The following GRIA1 variants were observed in gnomAD, a reference collection of about 807,000 sequenced individuals.
GRIA1 encodes the protein glutamate receptor 1.
A neutral mutation model predicts 99.2 loss-of-function variants in GRIA1; 31 were observed. That is an observed-to-expected ratio of 0.31 (90% CI 0.23 to 0.42). The LOEUF (loss-of-function observed/expected upper bound fraction) is 0.42. Ranked by LOEUF, GRIA1 falls within the 10% of genes least tolerant of loss-of-function variation. The pLI is 1.00. For missense variants in GRIA1, 782 were observed against 1,157.5 expected, an observed-to-expected ratio of 0.68 and a Z score of 4.71; for synonymous variants, 438 against 432.4, an observed-to-expected ratio of 1.01 and a Z score of -0.16.
chr5:153,672,403 G>C (rs879487368), intron 5 of GRIA1, among the ~76,000 whole-genome samples: 2 of 152,164 alleles, frequency 1.3e-5, no homozygotes, highest in Non-Finnish European at 2.9e-5. Context: ...CTACAACAGG[G>C]CAAGAACTAG....
chr5:153,697,230 T>A (rs568968259), intron 8 of GRIA1, among the ~76,000 whole-genome samples: 70 of 152,342 alleles, frequency 4.6e-4, no homozygotes, highest in African/African-American at 1.7e-3. Flanking sequence ...CCCACTCACT[T>A]GTCACTTCTG....
At chr5:153,532,978 A>T (rs918725561) in intron 2 of GRIA1, among the ~76,000 whole-genome samples, 2 of 152,254 alleles carry the variant, frequency 1.3e-5, no homozygotes, top group African/African-American at 4.8e-5. Context: ...AGTAAATGTT[A>T]ATTATGGTTG....
At chr5:153,576,650 A>C (rs974703371) in intron 2 of GRIA1, among the ~76,000 whole-genome samples, 3 of 152,188 alleles carry the variant, frequency 2.0e-5, no homozygotes, top group Non-Finnish European at 4.4e-5. Flanking sequence ...TAAAAAATTA[A>C]AGGTTATCTC....
chr5:153,528,824 C>T (rs562356669), intron 2 of GRIA1, among the ~76,000 whole-genome samples: 2 of 152,290 alleles, frequency 1.3e-5, no homozygotes, highest in South Asian at 4.1e-4. Context: ...TGTCTTCAGG[C>T]ATTGTCTCAC....
Position 153,519,825 on chromosome 5 carries a change from A to G in GRIA1, c.220+25760A>G, listed in dbSNP as rs558495980. Among the ~76,000 whole-genome samples, 81 of 152,222 alleles carry G rather than the reference A, an allele frequency of 5.3e-4. 1 individual carries two copies. The highest frequency in any genetic ancestry group is 1.0e-3 in the Non-Finnish European group (71 of 68,038). On this transcript the variant is annotated intron_variant, in intron 2 of 15. Transcript: ENST00000285900. The stretch of plus-strand genomic sequence containing the variant: ...TAATAATTAGTACAATAGTAATACC[A>G]TACATTTTGATTACATTTTTGACAT...
intron 2 of GRIA1, among the ~76,000 whole-genome samples, chr5:153,587,592 A>G (rs549009137): frequency 1.3e-5 from 2 of 152,016 alleles, no homozygotes; most frequent in East Asian, 1.9e-4. Flanking sequence ...CCCCTCCCCA[A>G]TCCCAAATAG....
chr5:153,578,310 A>T (rs1401572041), intron 2 of GRIA1, among the ~76,000 whole-genome samples: 1 of 152,178 alleles, frequency 6.6e-6, no homozygotes, highest in Admixed American at 6.5e-5. Flanking sequence ...ACTGAGTAAA[A>T]GTGACATTTA....
chr5:153,798,625 G>C (rs1765794477), intron 14 of GRIA1, among the ~76,000 whole-genome samples: 1 of 152,198 alleles, frequency 6.6e-6, no homozygotes, highest in Non-Finnish European at 1.5e-5. Flanking sequence ...TTGATGGCAG[G>C]CAACACCAGT....
At chr5:153,682,254 C>G (rs184852495) in intron 7 of GRIA1, among the ~76,000 whole-genome samples, 1 of 152,206 alleles carries the variant, frequency 6.6e-6, no homozygotes, top group Admixed American at 6.5e-5. Flanking sequence ...AAGGATCCAC[C>G]TGAGGGCAAC....
At chr5:153,792,997 A>G (rs926918139) in intron 13 of GRIA1, among the ~76,000 whole-genome samples, 9 of 152,148 alleles carry the variant, frequency 5.9e-5, no homozygotes, top group African/African-American at 2.2e-4. Flanking sequence ...GCCTTCAGGG[A>G]TCCATATGCC....
At chr5:153,646,845 T>G in intron 2 of GRIA1, 83 bp from the exon 3 acceptor site, 1 of 1,445,230 alleles carries the variant, frequency 6.9e-7, no homozygotes, top group Non-Finnish European at 9.6e-7. Flanking sequence ...GTTGGATGGA[T>G]GAACTAGTGG....
chr5:153,568,895 T>G (rs574186164), intron 2 of GRIA1, among the ~76,000 whole-genome samples: 18 of 152,338 alleles, frequency 1.2e-4, no homozygotes, highest in African/African-American at 4.1e-4. Context: ...GAATCTGTTG[T>G]GTGTATGTCT....
At chr5:153,666,366 A>G (rs1755744834) in intron 5 of GRIA1, among the ~76,000 whole-genome samples, 2 of 152,182 alleles carry the variant, frequency 1.3e-5, no homozygotes, top group Non-Finnish European at 2.9e-5. Flanking sequence ...CTAGAGAGAT[A>G]GGAATAAAGT....
rs1309963699 is a variant in GRIA1, at chr5:153,577,150, ATGGT to A, written c.221-69774_221-69771del. 2.6e-4 allele frequency among the ~76,000 whole-genome samples: 21 copies of A among 80,452 alleles called. 1 individual carries two copies. The highest frequency in any genetic ancestry group is 6.2e-4 in the African/African-American group (15 of 24,190). 52.8% of individuals were successfully genotyped at this position (80,452 alleles called of 152,430 possible). On this transcript the variant is annotated intron_variant, in intron 2 of 15. Transcript: ENST00000285900. ...AATGGGTGGATGGATGGATGGATGG[ATGGT>A]TGGATGGATGGATGGATGGATGGAT...
chr5:153,736,875 C>A (rs1761414168), intron 11 of GRIA1, among the ~76,000 whole-genome samples: 1 of 152,152 alleles, frequency 6.6e-6, no homozygotes, highest in Non-Finnish European at 1.5e-5. Flanking sequence ...ATAAAATACT[C>A]AATTTGGTTG....
At chr5:153,721,392 C>A (rs770914876) in intron 11 of GRIA1, among the ~76,000 whole-genome samples, 3 of 152,032 alleles carry the variant, frequency 2.0e-5, no homozygotes, top group Admixed American at 6.6e-5. Flanking sequence ...ATAAATAAGA[C>A]ACGAATTATA....
chr5:153,637,807 A>G (rs76998334), intron 2 of GRIA1, among the ~76,000 whole-genome samples: 1 of 152,144 alleles, frequency 6.6e-6, no homozygotes, highest in African/African-American at 2.4e-5. Flanking sequence ...AGACCTGTGG[A>G]TGCTAGATGG....
At chr5:153,688,482 C>T (rs532092842) in intron 8 of GRIA1, among the ~76,000 whole-genome samples, 20 of 152,278 alleles carry the variant, frequency 1.3e-4, no homozygotes, top group East Asian at 9.6e-4. Context: ...ATCTGTAAAA[C>T]GGGCACAGAT....
intron 11 of GRIA1, among the ~76,000 whole-genome samples, chr5:153,758,371 A>G (rs983516490): frequency 5.9e-5 from 9 of 152,042 alleles, no homozygotes; most frequent in Non-Finnish European, 1.2e-4. Context: ...AAGATATTCC[A>G]TGTAAATTAA....
Sources: gnomAD v4.1 joint callset for allele counts (sites outside exome capture counted in the v4.1 genomes callset) on GRCh38, gnomAD v4.1.1 for gene constraint, MANE v1.5 for transcripts, NCBI Gene and HGNC (gene_info 2026-07-23, HGNC 2026-07-21) for gene names.